BLM: variants seen among roughly 807,000 people sequenced by gnomAD.
The protein encoded by BLM is recQ-like DNA helicase BLM.
In BLM, 95 loss-of-function variants were observed where a neutral mutation model predicts 135.3. The ratio of observed to expected loss-of-function variants is 0.70; its 90% CI spans 0.59 to 0.83. BLM has a LOEUF of 0.83. Among genes scored for constraint, BLM ranks in the 40% least tolerant of loss-of-function variants. BLM has a pLI of 0.00. For missense variants in BLM, 1,518 were observed against 1,663.9 expected, an observed-to-expected ratio of 0.91 and a Z score of 1.53; for synonymous variants, 520 against 589.2, an observed-to-expected ratio of 0.88 and a Z score of 1.70.
Position 90,798,323 on chromosome 15 carries a change from T to C in BLM, c.3344T>C (p.Val1115Ala), listed in dbSNP as rs768432133. The change falls in exon 17 of 22, where the codon GTC (valine) becomes GCC (alanine). Residue 1115 changes from valine to alanine, a missense_variant. By Grantham distance (64) the Val-to-Ala change is moderately conservative (BLOSUM62 0). This residue lies in a region of BLM where 626 missense variants were observed against 681.1 expected (regional missense o/e 0.92). Transcript: ENST00000355112. ...GGAAGATTTACTATGAATATGCTGG[T>C]CGACATTTTCTTGGGTAAGTCATCT... ...PSGRFTMNML[V>A]DIFLGSKSAK... is the part of the protein sequence containing the mutation. 1.2e-6 allele frequency: 2 copies of C among 1,613,116 alleles called. No homozygotes were observed. Among genetic ancestry groups the C allele is most frequent in the Non-Finnish European group, 1.7e-6 (2 of 1,179,578 alleles).
chr15:90,784,332 T>TC (rs1896689482), intron 13 of BLM, among the ~76,000 whole-genome samples: 1 of 127,752 alleles, frequency 7.8e-6, no homozygotes, highest in African/African-American at 3.4e-5. Context: ...CTTTTCTTTT[T>TC]TTTTTTTTTT....
At chr15:90,814,063 G>GAAA (rs2151201592) in intron 21 of BLM, among the ~76,000 whole-genome samples, 1 of 152,318 alleles carries the variant, frequency 6.6e-6, no homozygotes, top group Non-Finnish European at 1.5e-5. Flanking sequence ...TCAGCATAGG[G>GAAA]AAACTTCAGG....
At chr15:90,789,938 C>A (rs1896854848) in intron 14 of BLM, among the ~76,000 whole-genome samples, 1 of 147,636 alleles carries the variant, frequency 6.8e-6, no homozygotes, top group South Asian at 2.1e-4. Flanking sequence ...GAACTATCAC[C>A]TTGCTTCCAC....
At chr15:90,723,863 C>A (rs1048249929) in intron 1 of BLM, among the ~76,000 whole-genome samples, 8 of 152,034 alleles carry the variant, frequency 5.3e-5, no homozygotes, top group Non-Finnish European at 1.5e-5. Flanking sequence ...TATGAGTTTG[C>A]CTATTTTAGA....
At chr15:90,728,007 C>T (rs562341796) in intron 1 of BLM, among the ~76,000 whole-genome samples, 1 of 151,966 alleles carries the variant, frequency 6.6e-6, no homozygotes, top group Non-Finnish European at 1.5e-5. Flanking sequence ...TGATTGTTTC[C>T]TCCCTCCTTG....
At chr15:90,734,694 CGCAG>C (rs1433471069) in intron 1 of BLM, among the ~76,000 whole-genome samples, 1 of 103,104 alleles carries the variant, frequency 9.7e-6, no homozygotes, top group African/African-American at 4.3e-5. Context: ...CACACACACA[CGCAG>C]AGAGAGAGAG....
chr15:90,726,493 C>T (rs1246778128), intron 1 of BLM, among the ~76,000 whole-genome samples: 1 of 152,184 alleles, frequency 6.6e-6, no homozygotes, highest in Non-Finnish European at 1.5e-5. Context: ...ATCTCAAACT[C>T]CTGACCTCAG....
At chr15:90,765,628 C>G (rs1006258160) in intron 9 of BLM, among the ~76,000 whole-genome samples, 1 of 152,188 alleles carries the variant, frequency 6.6e-6, no homozygotes, top group Non-Finnish European at 1.5e-5. Context: ...GAACTTTTAA[C>G]CAATGCTATT....
At chr15:90,781,922 G>A (rs1896625707) in intron 12 of BLM, among the ~76,000 whole-genome samples, 1 of 152,144 alleles carries the variant, frequency 6.6e-6, no homozygotes, top group African/African-American at 2.4e-5. Flanking sequence ...CAAGAGACTG[G>A]GCTCCTGACT....
intron 16 of BLM, among the ~76,000 whole-genome samples, chr15:90,797,911 GT>G (rs941777725): frequency 6.6e-6 from 1 of 152,178 alleles, no homozygotes; most frequent in African/African-American, 2.4e-5. Context: ...TAAATTGTGT[GT>G]TTGTGTGTGT....
chr15:90,761,221 T>A lies in BLM; in HGVS notation c.1848T>A (p.Asn616Lys). The A allele has an allele frequency of 6.5e-7, 1 of 1,534,704 alleles. No homozygotes were observed. Among genetic ancestry groups the A allele is most frequent in the Middle Eastern group, 1.7e-4 (1 of 5,742 alleles). Residue 616 changes from asparagine (N) to lysine (K), a missense_variant, in exon 7 of 22, where the codon AAT becomes AAA. Transcript: ENST00000355112. Reference protein sequence around the residue: ...DCLPVSSTAQNINFSESIQNY... With the variant: ...DCLPVSSTAQKINFSESIQNY... ...TTCCAGTGTCATCTACTGCTCAAAATATAAACTTCTCAGAGTCAATTCAGA... is the reference window on the plus strand; with the variant it reads ...TTCCAGTGTCATCTACTGCTCAAAAAATAAACTTCTCAGAGTCAATTCAGA...
At chr15:90,740,747 C>G (rs920915645) in intron 1 of BLM, among the ~76,000 whole-genome samples, 1 of 152,114 alleles carries the variant, frequency 6.6e-6, no homozygotes, top group East Asian at 1.9e-4. Context: ...CCATGCTGTT[C>G]TTGTGAGAGT....
intron 20 of BLM, 124 bp downstream of exon 20, chr15:90,809,383 AG>A (rs1167597397): frequency 1.5e-4 from 225 of 1,506,748 alleles, no homozygotes; most frequent in Non-Finnish European, 2.0e-4. Flanking sequence ...CATCCAAGTC[AG>A]CCCCCAGTGG....
At chr15:90,771,385 G>A (rs893099603) in intron 12 of BLM, among the ~76,000 whole-genome samples, 1 of 152,094 alleles carries the variant, frequency 6.6e-6, no homozygotes, top group Non-Finnish European at 1.5e-5. Flanking sequence ...TACTCAGGAG[G>A]CTGAGGCAGG....
At chr15:90,728,280 C>T (rs1894969694) in intron 1 of BLM, among the ~76,000 whole-genome samples, 1 of 152,230 alleles carries the variant, frequency 6.6e-6, no homozygotes, top group Non-Finnish European at 1.5e-5. Flanking sequence ...AAGTGATCTG[C>T]CCACCTTGGC....
intron 4 of BLM, 80 bp from the exon 5 acceptor site, chr15:90,754,731 A>G: frequency 6.9e-7 from 1 of 1,452,298 alleles, no homozygotes; most frequent in Non-Finnish European, 9.4e-7. Context: ...AGTGGTAGAA[A>G]AATATTAAGG....
rs563882869 is a variant in BLM, at chr15:90,766,781, T to C, written c.2194-129T>C. On this transcript the variant is annotated intron_variant, in intron 9 of 21. Coordinates refer to ENST00000355112, the MANE Select transcript of BLM (RefSeq NM_000057.4). ...AATGTATGTACTTACATACTTGTTATGTTGAGATATGTATTTCCTTTGATA... is the reference window on the plus strand; with the variant it reads ...AATGTATGTACTTACATACTTGTTACGTTGAGATATGTATTTCCTTTGATA... The C allele has an allele frequency of 6.2e-6, 4 of 649,200 alleles. No homozygotes were observed. The Admixed American group carries it at 8.7e-5, about 14-fold the overall frequency. 40.2% of individuals were successfully genotyped at this position (649,200 alleles called of 1,614,324 possible).
intron 1 of BLM, among the ~76,000 whole-genome samples, chr15:90,725,495 TC>T (rs1483149023): frequency 6.6e-6 from 1 of 151,052 alleles, no homozygotes; most frequent in Non-Finnish European, 1.5e-5. Context: ...TTTTTTACAG[TC>T]CCTTTTTTTT....
intron 19 of BLM, among the ~76,000 whole-genome samples, chr15:90,806,838 A>T (rs909282077): frequency 6.6e-6 from 1 of 152,196 alleles, no homozygotes; most frequent in African/African-American, 2.4e-5. Flanking sequence ...TGACTCTAAG[A>T]TGCCAACTAT....
Sources: allele counts gnomAD v4.1 joint callset (sites outside exome capture counted in the v4.1 genomes callset), GRCh38; gene constraint gnomAD v4.1.1; regional missense constraint gnomAD v4.1.1; transcripts MANE v1.5; gene names NCBI Gene and HGNC (gene_info 2026-07-23, HGNC 2026-07-21).